The following PTPRK variants were observed in gnomAD, a reference collection of about 807,000 sequenced individuals.
PTPRK encodes the protein receptor-type tyrosine-protein phosphatase kappa.
Under a neutral mutation model 178.0 loss-of-function variants are expected in PTPRK, and 75 were observed. The ratio of observed to expected loss-of-function variants is 0.42; its 90% CI spans 0.35 to 0.51. PTPRK has a LOEUF of 0.51. Among genes scored for constraint, PTPRK ranks in the 20% least tolerant of loss-of-function variants. The pLI is 0.02. For synonymous variants in PTPRK, 637 were observed against 620.6 expected, an observed-to-expected ratio of 1.03 and a Z score of -0.39; for missense variants, 1,441 against 1,797.8, an observed-to-expected ratio of 0.80 and a Z score of 3.59.
At chr6:128,323,563 T>C (rs914466303) in intron 2 of PTPRK, among the ~76,000 whole-genome samples, 1 of 152,126 alleles carries the variant, frequency 6.6e-6, no homozygotes, top group Non-Finnish European at 1.5e-5. Context: ...AACCACTCAA[T>C]AACTACTAGT....
intron 2 of PTPRK, among the ~76,000 whole-genome samples, chr6:128,342,810 T>C (rs1831851491): frequency 6.6e-6 from 1 of 152,052 alleles, no homozygotes; most frequent in Non-Finnish European, 1.5e-5. Context: ...ATTTAAGCCA[T>C]GCATAGTAGC....
At chr6:128,339,571 G>A (rs991874622) in intron 2 of PTPRK, among the ~76,000 whole-genome samples, 2 of 152,104 alleles carry the variant, frequency 1.3e-5, no homozygotes, top group African/African-American at 2.4e-5. Flanking sequence ...ACACACATAT[G>A]TATCTGGAGA....
chr6:128,457,319 T>C (rs1331362142), intron 1 of PTPRK, among the ~76,000 whole-genome samples: 2 of 152,132 alleles, frequency 1.3e-5, no homozygotes, highest in Non-Finnish European at 2.9e-5. Flanking sequence ...TTATGTTTTC[T>C]TGCTTGTTGC....
At chr6:128,464,417 T>C (rs1460198110) in intron 1 of PTPRK, among the ~76,000 whole-genome samples, 1 of 151,536 alleles carries the variant, frequency 6.6e-6, no homozygotes, top group Non-Finnish European at 1.5e-5. Flanking sequence ...AAATATCCAT[T>C]TGTGTGATCT....
chr6:128,147,230 A>G (rs1419587396), intron 7 of PTPRK, among the ~76,000 whole-genome samples: 1 of 152,194 alleles, frequency 6.6e-6, no homozygotes, highest in Non-Finnish European at 1.5e-5. Flanking sequence ...AAAGATGACA[A>G]TATTTAGAAA....
intron 2 of PTPRK, among the ~76,000 whole-genome samples, chr6:128,390,725 G>A (rs759439830): frequency 6.6e-6 from 1 of 152,060 alleles, no homozygotes; most frequent in Non-Finnish European, 1.5e-5. Flanking sequence ...GCCATGTTTT[G>A]TCTCTGGTAG....
rs754105425 is a variant in PTPRK at position 128,242,624 on chromosome 6, T to C, written c.496-22A>G. 3.7e-6 allele frequency: 6 copies of C among 1,608,556 alleles called. No individual in the cohort carries two copies. The South Asian group carries it at 5.6e-5, about 15-fold the overall frequency. On this transcript the variant is annotated intron_variant, in intron 3 of 29. Coordinates refer to ENST00000368226, the MANE Select transcript of PTPRK (RefSeq NM_002844.4). ...TTACCTGTCAAAAAGAAACAGAAAA[T>C]ATTTACAACAATAGTTTTCAAGGAA... is the stretch of plus-strand genomic sequence containing the variant.
intron 2 of PTPRK, among the ~76,000 whole-genome samples, chr6:128,385,825 T>TA (rs1191140445): frequency 6.6e-6 from 1 of 152,166 alleles, no homozygotes; most frequent in East Asian, 1.9e-4. Context: ...GCCTCAAGGG[T>TA]ACAAGCTTCA....
At chr6:128,239,125 GTT>G (rs71833785) in intron 5 of PTPRK, among the ~76,000 whole-genome samples, 20 of 98,746 alleles carry the variant, frequency 2.0e-4, no homozygotes, top group East Asian at 8.0e-4. Context: ...AACTCATCTT[GTT>G]TTTTTTTTTT....
intron 7 of PTPRK, among the ~76,000 whole-genome samples, chr6:128,146,323 T>C (rs1033362821): frequency 6.6e-6 from 1 of 152,210 alleles, no homozygotes; most frequent in Non-Finnish European, 1.5e-5. Context: ...AACCTGATTT[T>C]AAAATTCAAA....
chr6:128,366,349 GA>G (rs1835480266), intron 2 of PTPRK, among the ~76,000 whole-genome samples: 1 of 152,092 alleles, frequency 6.6e-6, no homozygotes, highest in Non-Finnish European at 1.5e-5. Context: ...CTAAATGAAA[GA>G]ATGTACATAA....
intron 7 of PTPRK, among the ~76,000 whole-genome samples, chr6:128,170,184 A>G (rs1310297385): frequency 6.6e-6 from 1 of 152,112 alleles, no homozygotes; most frequent in Non-Finnish European, 1.5e-5. Flanking sequence ...AGACCAAGGC[A>G]GATCCTGAAT....
At chr6:128,256,144 G>A (rs2128291345) in intron 3 of PTPRK, among the ~76,000 whole-genome samples, 1 of 152,298 alleles carries the variant, frequency 6.6e-6, no homozygotes. Context: ...TGTGGCAGAA[G>A]AGATAAGCAT....
chr6:128,244,924 A>G (rs1235920119), intron 3 of PTPRK, among the ~76,000 whole-genome samples: 1 of 152,194 alleles, frequency 6.6e-6, no homozygotes, highest in Non-Finnish European at 1.5e-5. Flanking sequence ...ACTAATAAGC[A>G]TCACTTGGGG....
At chr6:128,069,622 C>A (rs536697276) in intron 11 of PTPRK, among the ~76,000 whole-genome samples, 1 of 152,134 alleles carries the variant, frequency 6.6e-6, no homozygotes, top group South Asian at 2.1e-4. Context: ...ACAAATGTAA[C>A]CTTATATTCT....
intron 1 of PTPRK, among the ~76,000 whole-genome samples, chr6:128,464,655 A>ATATATATATG (rs1554271934): frequency 7.6e-5 from 8 of 105,858 alleles, no homozygotes; most frequent in Admixed American, 1.1e-4. Flanking sequence ...ATATATATAT[A>ATATATATATG]TATATATATA....
chr6:128,256,581 T>C (rs1250773644), intron 3 of PTPRK, among the ~76,000 whole-genome samples: 1 of 151,592 alleles, frequency 6.6e-6, no homozygotes, highest in African/African-American at 2.4e-5. Flanking sequence ...GGGATTACAG[T>C]TGCATGCCAC....
In PTPRK at chr6:128,076,287, G is replaced by A. The variant is rs114598662; in HGVS notation, c.1883+2526C>T. 4.5e-3 allele frequency among the ~76,000 whole-genome samples: 677 copies of A among 152,100 alleles called. 6 individuals are homozygous for A. Among genetic ancestry groups the A allele is most frequent in the African/African-American group, 0.016 (650 of 41,516 alleles). ...AGATAAGCCTCACGATAAGGCTACA[G>A]TTGCTGGTAGGGAGACTGAAAGTAG... On this transcript the variant is annotated intron_variant, in intron 11 of 29. Transcript: ENST00000368226.
At chr6:128,206,307 ATAT>A (rs1806950765) in intron 6 of PTPRK, among the ~76,000 whole-genome samples, 1 of 151,692 alleles carries the variant, frequency 6.6e-6, no homozygotes, top group South Asian at 2.1e-4. Flanking sequence ...TATCAGAAAC[ATAT>A]TATAAGAATC....
Sources: gnomAD v4.1 joint callset for allele counts (sites outside exome capture counted in the v4.1 genomes callset) on GRCh38, gnomAD v4.1.1 for gene constraint, MANE v1.5 for transcripts, NCBI Gene and HGNC (gene_info 2026-07-23, HGNC 2026-07-21) for gene names.